The following ZC3H12C variants were observed in gnomAD, a reference collection of about 807,000 sequenced individuals.
The protein encoded by ZC3H12C is probable ribonuclease ZC3H12C.
In ZC3H12C, 20 loss-of-function variants were observed where a neutral mutation model predicts 76.3. The observed-to-expected ratio is 0.26, with a 90% CI of 0.18 to 0.38. The LOEUF is 0.38. Ranked by LOEUF, ZC3H12C falls within the 10% of genes least tolerant of loss-of-function variation. ZC3H12C has a pLI of 1.00. For synonymous variants in ZC3H12C, 352 were observed against 399.6 expected (o/e 0.88, Z 1.42); for missense variants, 874 against 1,086.5 (o/e 0.80, Z 2.75).
At chr11:110,119,542 C>T (rs1362628850) in intron 1 of ZC3H12C, among the ~76,000 whole-genome samples, 1 of 152,192 alleles carries the variant, frequency 6.6e-6, no homozygotes, top group Non-Finnish European at 1.5e-5. Flanking sequence ...GGCTCCTGAC[C>T]ACCTTGCTGT....
intron 1 of ZC3H12C, among the ~76,000 whole-genome samples, chr11:110,098,264 T>C (rs941236658): frequency 1.3e-5 from 2 of 152,154 alleles, no homozygotes; most frequent in Non-Finnish European, 2.9e-5. Flanking sequence ...ATTTTCTAGA[T>C]AGACAAAAGC....
chr11:110,157,611 T>A (rs1451927489), intron 3 of ZC3H12C, among the ~76,000 whole-genome samples: 1 of 152,000 alleles, frequency 6.6e-6, no homozygotes, highest in Non-Finnish European at 1.5e-5. Context: ...AATTATTGTA[T>A]TTTTTGTAAA....
chr11:110,138,724 ATTT>A (rs1862016255), intron 2 of ZC3H12C, among the ~76,000 whole-genome samples: 1 of 151,774 alleles, frequency 6.6e-6, no homozygotes, highest in Non-Finnish European at 1.5e-5. Flanking sequence ...TGCCTGGCTA[ATTT>A]TTGTATTTTT....
At position 110,165,224 on chromosome 11, in the gene ZC3H12C, C is replaced by A. The variant is rs775002296; in HGVS notation, c.2139C>A (p.Ser713=). 48 of 1,613,994 alleles carry A rather than the reference C, an allele frequency of 3.0e-5. No homozygotes were observed. Among genetic ancestry groups the A allele is most frequent in the Non-Finnish European group, 3.9e-5 (46 of 1,179,910 alleles). ...LPHLALHLPH[S]AVGARSSCPG... is the part of the protein sequence containing the mutation. ...ACCTGGCTCTGCACCTGCCGCACTCCGCTGTGGGCGCCCGGTCCAGCTGTC... is the reference window on the plus strand; with the variant it reads ...ACCTGGCTCTGCACCTGCCGCACTCAGCTGTGGGCGCCCGGTCCAGCTGTC... Residue 713 remains serine, a synonymous_variant, in exon 6 of 6, where the codon TCC becomes TCA. Coordinates refer to ENST00000278590, the MANE Select transcript of ZC3H12C (RefSeq NM_033390.2).
intron 2 of ZC3H12C, among the ~76,000 whole-genome samples, chr11:110,144,959 C>G (rs898604721): frequency 3.9e-5 from 6 of 151,982 alleles, no homozygotes; most frequent in African/African-American, 1.4e-4. Context: ...TGTATATATA[C>G]CTAAAGAAAA....
intron 2 of ZC3H12C, among the ~76,000 whole-genome samples, chr11:110,148,294 T>C (rs1186075072): frequency 2.0e-5 from 3 of 152,224 alleles, no homozygotes; most frequent in African/African-American, 4.8e-5. Flanking sequence ...CAAAGCAGGA[T>C]TTTTATAAGT....
intron 2 of ZC3H12C, among the ~76,000 whole-genome samples, chr11:110,139,285 C>G (rs1238539019): frequency 6.6e-6 from 1 of 152,138 alleles, no homozygotes; most frequent in African/African-American, 2.4e-5. Flanking sequence ...GACCTAAAAG[C>G]CTATATTCTT....
intron 3 of ZC3H12C, among the ~76,000 whole-genome samples, chr11:110,154,650 G>A (rs371410649): frequency 1.3e-4 from 20 of 151,602 alleles, no homozygotes; most frequent in South Asian, 4.2e-4. Flanking sequence ...GAGACCATAA[G>A]AATTTTCTAA....
chr11:110,119,738 T>G (rs1014911992), intron 1 of ZC3H12C, among the ~76,000 whole-genome samples: 8 of 152,198 alleles, frequency 5.3e-5, no homozygotes, highest in Admixed American at 2.0e-4. Context: ...TCTGGTGAAG[T>G]CCTCTTCCTC....
chr11:110,096,891 T>G (rs1861122576), intron 1 of ZC3H12C, among the ~76,000 whole-genome samples: 2 of 152,196 alleles, frequency 1.3e-5, no homozygotes, highest in African/African-American at 4.8e-5. Context: ...GACTCCAGTT[T>G]CAGTCCAGCA....
At chr11:110,097,266 C>A (rs1201323347) in intron 1 of ZC3H12C, among the ~76,000 whole-genome samples, 1 of 152,142 alleles carries the variant, frequency 6.6e-6, no homozygotes, top group Non-Finnish European at 1.5e-5. Flanking sequence ...TTCTTATGCC[C>A]AGTAATGTAG....
rs1242964133 is a variant in ZC3H12C at position 110,164,781 on chromosome 11, A to G, written c.1696A>G (p.Thr566Ala). 6.2e-7 allele frequency: 1 copy of G among 1,613,946 alleles called. No homozygotes were observed. The highest frequency in any genetic ancestry group is 8.5e-7 in the Non-Finnish European group (1 of 1,179,906). The change falls in exon 6 of 6, where the codon ACC (threonine) becomes GCC (alanine). Residue 566 changes from threonine (T) to alanine (A), a missense_variant. Physicochemically the swap from Thr to Ala is moderately conservative, Grantham distance 58. This residue lies in a region of ZC3H12C where 395 missense variants were observed against 434.4 expected (regional missense o/e 0.91). Transcript: ENST00000278590. The surrounding 1 kb of genome is among the most constrained non-coding windows in gnomAD (Gnocchi z 5.7). ...ACAATATCCTTCAATGATGATGGCA[A>G]CCAAAAATCATGGAACGCCAATGCC... is the stretch of plus-strand genomic sequence containing the variant. Reference protein sequence around the residue: ...QGQYPSMMMATKNHGTPMPYE... With the variant: ...QGQYPSMMMAAKNHGTPMPYE...
At chr11:110,124,081 G>C (rs1340104951) in intron 1 of ZC3H12C, 1 of 152,188 alleles carries the variant, frequency 6.6e-6, no homozygotes, top group Non-Finnish European at 1.5e-5. Flanking sequence ...TCCTCAAGTG[G>C]GGAGGCAGAA....
chr11:110,159,572 T>C, intron 4 of ZC3H12C, 82 bp downstream of exon 4: 1 of 1,208,166 alleles, frequency 8.3e-7, no homozygotes, highest in Non-Finnish European at 1.2e-6. Context: ...GAATTCTCTT[T>C]TTGCCACTGT....
chr11:110,096,593 G>C (rs1861116791), intron 1 of ZC3H12C, among the ~76,000 whole-genome samples: 1 of 151,998 alleles, frequency 6.6e-6, no homozygotes, highest in African/African-American at 2.4e-5. Context: ...GACCCAGGCA[G>C]TCTGACTTTA....
intron 2 of ZC3H12C, among the ~76,000 whole-genome samples, chr11:110,150,595 T>C (rs979494160): frequency 2.0e-5 from 3 of 152,166 alleles, no homozygotes; most frequent in African/African-American, 7.2e-5. Context: ...ACCTAGTACA[T>C]AGCCAATTTA....
Position 110,171,027 on chromosome 11 carries a change from G to C in ZC3H12C, c.*5290G>C, listed in dbSNP as rs766093122. 3 of 152,084 alleles carry C rather than the reference G, an allele frequency of 2.0e-5. No individual in the cohort carries two copies. The highest frequency in any genetic ancestry group is 4.4e-5 in the Non-Finnish European group (3 of 67,990). 9.4% of individuals were successfully genotyped at this position (152,084 alleles called of 1,614,324 possible). On this transcript the variant is annotated 3_prime_UTR_variant, in exon 6 of 6. Transcript: ENST00000278590. ...GTAGAAAATGTGCATGTTTTAACTT[G>C]GTTTTATAAAATCTGTAATGTTTCA...
intron 2 of ZC3H12C, among the ~76,000 whole-genome samples, chr11:110,137,759 A>C (rs1861997122): frequency 6.6e-6 from 1 of 152,204 alleles, no homozygotes; most frequent in South Asian, 2.1e-4. Flanking sequence ...ACAATTTTAG[A>C]ATCTAGTCAA....
At chr11:110,163,180 T>C (rs1474263280) in intron 4 of ZC3H12C, 93 bp from the exon 5 acceptor site, 2 of 1,098,006 alleles carry the variant, frequency 1.8e-6, no homozygotes, top group Non-Finnish European at 2.5e-6. Flanking sequence ...GCAAAAAAAA[T>C]TCCTTATAGA....
Sources: gnomAD v4.1 joint callset for allele counts (sites outside exome capture counted in the v4.1 genomes callset) on GRCh38, gnomAD v4.1.1 for gene constraint, gnomAD v4.1.1 regional missense constraint, Gnocchi (gnomAD v3.1) non-coding constraint, MANE v1.5 for transcripts, NCBI Gene and HGNC (gene_info 2026-07-23, HGNC 2026-07-21) for gene names.